SNTG2: variants seen among roughly 807,000 people sequenced by gnomAD.
SNTG2 encodes the protein syntrophin gamma 2.
Under a neutral mutation model 70.9 loss-of-function variants are expected in SNTG2, and 74 were observed. That is an observed-to-expected ratio of 1.04 (90% CI 0.86 to 1.27). The LOEUF (loss-of-function observed/expected upper bound fraction) is 1.27, where lower values mean the gene tolerates loss of function less well. Ranked by LOEUF, SNTG2 falls within the 50% of genes most tolerant of loss-of-function variation. The pLI, the probability that SNTG2 is intolerant of heterozygous loss-of-function variation, is 0.00. For missense variants in SNTG2, 717 were observed against 690.7 expected (o/e 1.04, Z -0.43); for synonymous variants, 278 against 273.8 (o/e 1.02, Z -0.15).
At chr2:1,211,988 G>T (rs542734054) in intron 9 of SNTG2, among the ~76,000 whole-genome samples, 1 of 152,270 alleles carries the variant, frequency 6.6e-6, no homozygotes, top group South Asian at 2.1e-4. Flanking sequence ...ATGACATCCA[G>T]GAGAATGAAA....
chr2:1,208,142 C>T (rs1205662663), intron 8 of SNTG2, among the ~76,000 whole-genome samples: 33 of 152,214 alleles, frequency 2.2e-4, no homozygotes, highest in Admixed American at 2.2e-3. Context: ...GAGCTCAGGG[C>T]TGGTGCTTCC....
chr2:1,339,570 G>T (rs1204019944), intron 16 of SNTG2, among the ~76,000 whole-genome samples: 2 of 152,204 alleles, frequency 1.3e-5, no homozygotes, highest in Non-Finnish European at 2.9e-5. Context: ...GACTCCAGGA[G>T]GAGGGCTTCC....
chr2:1,301,804 T>C (rs1680466177), intron 14 of SNTG2, among the ~76,000 whole-genome samples: 1 of 152,158 alleles, frequency 6.6e-6, no homozygotes. Flanking sequence ...TAAGAGAGTT[T>C]AGTATCAGCA....
At chr2:981,939 T>G (rs1661115262) in intron 1 of SNTG2, among the ~76,000 whole-genome samples, 1 of 152,146 alleles carries the variant, frequency 6.6e-6, no homozygotes, top group Non-Finnish European at 1.5e-5. Context: ...CACATGCACA[T>G]GAACACACAT....
At chr2:1,129,264 T>C (rs1667881942) in intron 4 of SNTG2, among the ~76,000 whole-genome samples, 1 of 152,254 alleles carries the variant, frequency 6.6e-6, no homozygotes, top group Admixed American at 6.5e-5. Context: ...TCTTTGACGC[T>C]GTTTTAGAAA....
chr2:1,319,604 T>C (rs1681433273), intron 16 of SNTG2, among the ~76,000 whole-genome samples: 1 of 152,166 alleles, frequency 6.6e-6, no homozygotes, highest in Non-Finnish European at 1.5e-5. Flanking sequence ...CTTGGGCCCC[T>C]CAGCTCCCTG....
intron 1 of SNTG2, among the ~76,000 whole-genome samples, chr2:1,000,786 T>TA (rs201707618): frequency 2.0e-3 from 297 of 150,898 alleles, no homozygotes; most frequent in African/African-American, 6.5e-3. Context: ...ATCATCATGA[T>TA]AAAAAAAACC....
At chr2:1,349,951 G>A (rs1660491110) in intron 16 of SNTG2, among the ~76,000 whole-genome samples, 1 of 152,150 alleles carries the variant, frequency 6.6e-6, no homozygotes, top group Non-Finnish European at 1.5e-5. Context: ...ATTTGGAAAT[G>A]ATTATTTCTA....
chr2:1,300,100 A>G (rs1176189867), intron 14 of SNTG2, among the ~76,000 whole-genome samples: 3 of 151,462 alleles, frequency 2.0e-5, no homozygotes, highest in Admixed American at 6.6e-5. Context: ...TATTACCATC[A>G]CCACTCTGAA....
chr2:1,262,622 G>A (rs1221007853), intron 13 of SNTG2, among the ~76,000 whole-genome samples: 1 of 152,178 alleles, frequency 6.6e-6, no homozygotes. Context: ...CAGTCCAGAC[G>A]AGGAAACCCA....
chr2:1,056,180 G>T (rs1662381929), intron 1 of SNTG2, among the ~76,000 whole-genome samples: 1 of 144,020 alleles, frequency 6.9e-6, no homozygotes, highest in African/African-American at 2.6e-5. Flanking sequence ...CATTCTGAAG[G>T]AAGGAGTTGA....
At chr2:1,048,834 A>G (rs1661890237) in intron 1 of SNTG2, among the ~76,000 whole-genome samples, 1 of 152,120 alleles carries the variant, frequency 6.6e-6, no homozygotes, top group African/African-American at 2.4e-5. Context: ...AAACCTTGAT[A>G]TTCATTCACC....
chr2:1,052,837 T>A (rs1662151911), intron 1 of SNTG2, among the ~76,000 whole-genome samples: 1 of 152,202 alleles, frequency 6.6e-6, no homozygotes, highest in Non-Finnish European at 1.5e-5. Context: ...ACCTTTAGTT[T>A]CTGCATGCAT....
chr2:1,008,622 A>G (rs1047227506), intron 1 of SNTG2, among the ~76,000 whole-genome samples: 1 of 152,240 alleles, frequency 6.6e-6, no homozygotes, highest in Non-Finnish European at 1.5e-5. Context: ...TTAACATTAC[A>G]GAAACCTGTA....
At chr2:994,422 C>T (rs528249958) in intron 1 of SNTG2, among the ~76,000 whole-genome samples, 2 of 152,098 alleles carry the variant, frequency 1.3e-5, no homozygotes, top group African/African-American at 4.8e-5. Context: ...ACTGTACTGC[C>T]TTGATTATTG....
intron 16 of SNTG2, among the ~76,000 whole-genome samples, chr2:1,324,842 G>A (rs1237248491): frequency 6.6e-6 from 1 of 152,204 alleles, no homozygotes; most frequent in Non-Finnish European, 1.5e-5. Flanking sequence ...TTTCAGATTA[G>A]ACTCTTTAAA....
At chr2:1,254,534 A>T (rs927686070) in intron 12 of SNTG2, among the ~76,000 whole-genome samples, 4 of 152,234 alleles carry the variant, frequency 2.6e-5, no homozygotes, top group African/African-American at 9.6e-5. Flanking sequence ...TAAGACTATC[A>T]ATTACATAGG....
At chr2:1,101,406 C>T (rs958931094) in intron 4 of SNTG2, among the ~76,000 whole-genome samples, 13 of 152,228 alleles carry the variant, frequency 8.5e-5, no homozygotes, top group Non-Finnish European at 1.9e-4. Context: ...CATTTATATC[C>T]TCGTTTTATG....
At chr2:1,084,150 A>G (rs1664527446) in intron 2 of SNTG2, among the ~76,000 whole-genome samples, 1 of 152,260 alleles carries the variant, frequency 6.6e-6, no homozygotes, top group East Asian at 1.9e-4. Flanking sequence ...TTCCATTCCT[A>G]CGTTCTAGGC....
Sources: allele counts gnomAD v4.1 joint callset (sites outside exome capture counted in the v4.1 genomes callset), GRCh38; gene constraint gnomAD v4.1.1; transcripts MANE v1.5; gene names NCBI Gene and HGNC (gene_info 2026-07-23, HGNC 2026-07-21).